Variants in SNTG1 observed in about 807,000 individuals in gnomAD.
SNTG1 encodes gamma-1-syntrophin.
In SNTG1, 39 loss-of-function variants were observed where a neutral mutation model predicts 74.7. That is an observed-to-expected ratio of 0.52 (90% CI 0.40 to 0.68). The LOEUF (loss-of-function observed/expected upper bound fraction) is 0.68. Ranked by LOEUF, SNTG1 falls within the 30% of genes least tolerant of loss-of-function variation. SNTG1 has a pLI of 0.00. For missense variants in SNTG1, 685 were observed against 609.5 expected, an observed-to-expected ratio of 1.12 and a Z score of -1.30; for synonymous variants, 254 against 217.1, an observed-to-expected ratio of 1.17 and a Z score of -1.49.
intron 1 of SNTG1, among the ~76,000 whole-genome samples, chr8:50,030,816 T>C (rs1400782099): frequency 6.6e-6 from 1 of 152,012 alleles, no homozygotes; most frequent in Non-Finnish European, 1.5e-5. Flanking sequence ...GCTTTAGCTA[T>C]TCTTAAATCA....
intron 1 of SNTG1, among the ~76,000 whole-genome samples, chr8:50,044,076 A>C (rs550943515): frequency 6.6e-6 from 1 of 152,178 alleles, no homozygotes; most frequent in Non-Finnish European, 1.5e-5. Flanking sequence ...TTTCTGAAAA[A>C]CTACAAGTTG....
chr8:50,030,932 T>C (rs1184411276), intron 1 of SNTG1, among the ~76,000 whole-genome samples: 2 of 151,982 alleles, frequency 1.3e-5, no homozygotes, highest in Non-Finnish European at 2.9e-5. Flanking sequence ...TTGTAGAGAA[T>C]TGACATATTT....
intron 1 of SNTG1, among the ~76,000 whole-genome samples, chr8:50,133,674 T>G (rs2081384334): frequency 6.6e-6 from 1 of 152,152 alleles, no homozygotes; most frequent in Admixed American, 6.6e-5. Context: ...CTTACAGCTG[T>G]GTCACCCCAG....
At chr8:50,249,275 A>C (rs1455601085) in intron 2 of SNTG1, among the ~76,000 whole-genome samples, 1 of 151,832 alleles carries the variant, frequency 6.6e-6, no homozygotes, top group Non-Finnish European at 1.5e-5. Flanking sequence ...GGCATTTGCA[A>C]CCCGTATGAC....
intron 18 of SNTG1, among the ~76,000 whole-genome samples, chr8:50,760,433 G>C (rs979913511): frequency 2.0e-5 from 3 of 152,010 alleles, no homozygotes; most frequent in Non-Finnish European, 4.4e-5. Flanking sequence ...TAAAGGAAAT[G>C]CTTCTAGGTT....
At chr8:50,516,884 C>T (rs2094138048) in intron 9 of SNTG1, among the ~76,000 whole-genome samples, 1 of 152,112 alleles carries the variant, frequency 6.6e-6, no homozygotes, top group African/African-American at 2.4e-5. Flanking sequence ...AGATATTATC[C>T]AGGAGAACTT....
intron 2 of SNTG1, among the ~76,000 whole-genome samples, chr8:50,345,522 C>A (rs956222850): frequency 6.6e-6 from 1 of 152,132 alleles, no homozygotes; most frequent in Non-Finnish European, 1.5e-5. Flanking sequence ...TTCCACTGTG[C>A]CTTACCTGGG....
At chr8:50,676,718 G>A (rs1458046655) in intron 15 of SNTG1, among the ~76,000 whole-genome samples, 4 of 151,594 alleles carry the variant, frequency 2.6e-5, no homozygotes, top group Non-Finnish European at 5.9e-5. Context: ...GTAAAGCATA[G>A]TTTTCTCAAA....
intron 17 of SNTG1, among the ~76,000 whole-genome samples, chr8:50,732,385 T>C (rs2095515054): frequency 6.6e-6 from 1 of 151,934 alleles, no homozygotes; most frequent in Non-Finnish European, 1.5e-5. Context: ...ATTTTTTCTC[T>C]ATTTGTTACA....
At chr8:50,671,394 G>A (rs1443762348) in intron 15 of SNTG1, among the ~76,000 whole-genome samples, 2 of 151,662 alleles carry the variant, frequency 1.3e-5, no homozygotes, top group African/African-American at 4.9e-5. Flanking sequence ...GACATGAACA[G>A]ACACTTCTCA....
At chr8:50,626,466 C>T (rs73587054) in intron 13 of SNTG1, among the ~76,000 whole-genome samples, 15,923 of 152,206 alleles carry the variant, frequency 0.1, 2,031 homozygotes, top group African/African-American at 0.29. Flanking sequence ...TCAGGGGACT[C>T]ACAGCCTTCA....
At chr8:50,142,475 T>TTATATATATATATATA (rs10552210) in intron 1 of SNTG1, among the ~76,000 whole-genome samples, 1 of 147,198 alleles carries the variant, frequency 6.8e-6, no homozygotes, top group Non-Finnish European at 1.5e-5. Context: ...ATTAAAAAGA[T>TTATATATATATATATA]TATATATATA....
intron 18 of SNTG1, among the ~76,000 whole-genome samples, chr8:50,756,268 T>G (rs1028845868): frequency 6.6e-6 from 1 of 151,846 alleles, no homozygotes; most frequent in Admixed American, 6.6e-5. Flanking sequence ...GAGGTCCAGT[T>G]TATCAGTCGT....
chr8:49,970,273 T>C (rs1811540478), intron 1 of SNTG1, among the ~76,000 whole-genome samples: 1 of 152,102 alleles, frequency 6.6e-6, no homozygotes, highest in South Asian at 2.1e-4. Context: ...GCTTCAAGAA[T>C]TGTTTATGCC....
intron 4 of SNTG1, among the ~76,000 whole-genome samples, chr8:50,422,650 T>C (rs990449995): frequency 1.3e-5 from 2 of 151,968 alleles, no homozygotes; most frequent in Non-Finnish European, 1.5e-5. Flanking sequence ...AGGTAATGTG[T>C]GAGAGATTAA....
intron 1 of SNTG1, among the ~76,000 whole-genome samples, chr8:50,108,252 C>T (rs973956191): frequency 6.6e-6 from 1 of 152,094 alleles, no homozygotes; most frequent in Admixed American, 6.6e-5. Flanking sequence ...AACAAATGAA[C>T]AGAATACTGT....
intron 3 of SNTG1, among the ~76,000 whole-genome samples, chr8:50,394,929 T>TA (rs1180723641): frequency 6.6e-6 from 1 of 151,944 alleles, no homozygotes; most frequent in Non-Finnish European, 1.5e-5. Flanking sequence ...ACTTGCAGCT[T>TA]AAAAATGTTT....
At chr8:50,351,145 C>G (rs1448433674) in intron 2 of SNTG1, among the ~76,000 whole-genome samples, 3 of 152,194 alleles carry the variant, frequency 2.0e-5, no homozygotes, top group African/African-American at 4.8e-5. Flanking sequence ...ACTACCTAGA[C>G]CCATTTCTTA....
intron 18 of SNTG1, among the ~76,000 whole-genome samples, chr8:50,758,375 G>T (rs1050790288): frequency 1.3e-5 from 2 of 151,888 alleles, no homozygotes; most frequent in Non-Finnish European, 2.9e-5. Flanking sequence ...GAATGTGCAG[G>T]TTTGTTATAT....
Sources: gnomAD v4.1 joint callset for allele counts (sites outside exome capture counted in the v4.1 genomes callset) on GRCh38, gnomAD v4.1.1 for gene constraint, MANE v1.5 for transcripts, NCBI Gene and HGNC (gene_info 2026-07-23, HGNC 2026-07-21) for gene names.